ANKFY1: variants seen among roughly 807,000 people sequenced by gnomAD.
ANKFY1 encodes the protein ankyrin repeat and FYVE domain-containing protein 1.
Under a neutral mutation model 128.3 loss-of-function variants are expected in ANKFY1, and 47 were observed. That is an observed-to-expected ratio of 0.37 (90% CI 0.29 to 0.47). ANKFY1 has a LOEUF of 0.47. Among genes scored for constraint, ANKFY1 ranks in the 20% least tolerant of loss-of-function variants. The pLI is 1.00. For synonymous variants in ANKFY1, 553 were observed against 601.6 expected (o/e 0.92, Z 1.18); for missense variants, 1,222 against 1,510.6 (o/e 0.81, Z 3.17).
chr17:4,208,022 T>C lies in ANKFY1; in HGVS notation c.643A>G (p.Lys215Glu). 6.2e-7 allele frequency: 1 copy of C among 1,611,718 alleles called. No homozygotes were observed. Among genetic ancestry groups the C allele is most frequent in the Non-Finnish European group, 8.5e-7 (1 of 1,179,022 alleles). ...MSAQLLYKMI[K>E]SKTEYPLHKA... is the part of the protein sequence containing the mutation. The stretch of plus-strand genomic sequence containing the variant: ...TGTAGCGGGTACTCTGTCTTGGATT[T>C]GATCATTTTGTATAACAACTGAGCG... The change falls in exon 6 of 25, where the codon AAA becomes GAA. Residue 215 changes from lysine (K) to glutamate (E), a missense_variant. By Grantham distance (56) the Lys-to-Glu change is moderately conservative. Transcript: ENST00000341657.
Position 4,167,548 on chromosome 17 carries a change from T to C in ANKFY1, c.*231A>G. 2.4e-6 allele frequency: 1 copy of C among 418,416 alleles called. No homozygotes were observed. Among genetic ancestry groups the C allele is most frequent in the Non-Finnish European group, 4.2e-6 (1 of 238,390 alleles). 25.9% of individuals were successfully genotyped at this position (418,416 alleles called of 1,614,324 possible). ...CATTTACCACTTAGGCCCAATGGCC[T>C]GGTCTGATGAGTGAGACATCTAGTG... is the stretch of plus-strand genomic sequence containing the variant. On this transcript the variant is annotated 3_prime_UTR_variant, in exon 25 of 25. Transcript: ENST00000341657. The surrounding 1 kb of genome is among the most constrained non-coding windows in gnomAD (Gnocchi z 4.1).
At chr17:4,238,152 T>TA (rs55944256) in intron 2 of ANKFY1, among the ~76,000 whole-genome samples, 8,592 of 92,648 alleles carry the variant, frequency 0.093, 924 homozygotes, top group African/African-American at 0.27. Context: ...CTTATTTATT[T>TA]AAAAAAAAAA....
At chr17:4,206,059 A>G (rs1014022717) in intron 7 of ANKFY1, among the ~76,000 whole-genome samples, 1 of 152,246 alleles carries the variant, frequency 6.6e-6, no homozygotes, top group Non-Finnish European at 1.5e-5. Context: ...TACAAGTAAA[A>G]GGTACTTCTT....
intron 3 of ANKFY1, 24 bp downstream of exon 3, chr17:4,235,748 G>A (rs1258600266): frequency 6.4e-7 from 1 of 1,562,808 alleles, no homozygotes; most frequent in South Asian, 1.1e-5. Context: ...GCAGTTTTGT[G>A]TCCCTGATCA....
At chr17:4,184,338 C>G (rs2059572746) in intron 12 of ANKFY1, among the ~76,000 whole-genome samples, 1 of 152,164 alleles carries the variant, frequency 6.6e-6, no homozygotes. Context: ...AAACACTGTC[C>G]TTAACAAGGA....
chr17:4,259,399 A>G (rs6502777), intron 1 of ANKFY1, among the ~76,000 whole-genome samples: 53,048 of 151,956 alleles, frequency 0.35, 9,509 homozygotes, highest in Admixed American at 0.42. Context: ...TCCTGACTCA[A>G]GTCTCCTGAG....
intron 22 of ANKFY1, among the ~76,000 whole-genome samples, chr17:4,171,332 A>G (rs2059315727): frequency 6.6e-6 from 1 of 152,192 alleles, no homozygotes. Context: ...CACGCTCCAG[A>G]AAGTTCTTCC....
Position 4,206,418 on chromosome 17 carries a change from T to C in ANKFY1, c.801A>G (p.Arg267=). 6.2e-7 allele frequency: 1 copy of C among 1,614,184 alleles called. No homozygotes were observed. The highest frequency in any genetic ancestry group is 8.5e-7 in the Non-Finnish European group (1 of 1,180,024). The change falls in exon 7 of 25, where the codon CGA becomes CGG. Residue 267 remains arginine (R), a synonymous_variant. Transcript: ENST00000341657. The part of the protein sequence containing the change: ...DLALDLALSR[R]LESIATTLVS... ...CCAGCGTGGTGGCAATACTCTCCAG[T>C]CGTCGTGAGAGGGCTAGATCTAATG...
At chr17:4,260,509 T>C (rs1254846350) in intron 1 of ANKFY1, among the ~76,000 whole-genome samples, 1 of 150,956 alleles carries the variant, frequency 6.6e-6, no homozygotes, top group African/African-American at 2.4e-5. Flanking sequence ...TCCCAGCTAC[T>C]TGGGAGGCTG....
chr17:4,181,764 T>G lies in ANKFY1; in HGVS notation c.2122-392A>C, dbSNP rs1056982603. On this transcript the variant is annotated intron_variant, in intron 15 of 24. Coordinates refer to ENST00000341657, the MANE Select transcript of ANKFY1 (RefSeq NM_001330063.2). This position sits in a 1 kb window ranked among gnomAD's most constrained non-coding sequence, Gnocchi z 4.9. ...GTAAAACCTCCAGGTGCACAACGCCTTCATATCACACTGCAGGCCCTTCGG... is the reference window on the plus strand; with the variant it reads ...GTAAAACCTCCAGGTGCACAACGCCGTCATATCACACTGCAGGCCCTTCGG... 1.3e-5 allele frequency among the ~76,000 whole-genome samples: 2 copies of G among 152,224 alleles called. No homozygotes were observed. Among genetic ancestry groups the G allele is most frequent in the Non-Finnish European group, 2.9e-5 (2 of 68,042 alleles).
chr17:4,200,756 G>C (rs191424353), intron 7 of ANKFY1, among the ~76,000 whole-genome samples: 2 of 152,244 alleles, frequency 1.3e-5, no homozygotes, highest in East Asian at 1.9e-4. Context: ...AGGATGCTTC[G>C]GTTCCTAATT....
chr17:4,231,430 A>G lies in ANKFY1; in HGVS notation c.322+4342T>C, dbSNP rs558414995. On this transcript the variant is annotated intron_variant, in intron 3 of 24. Transcript: ENST00000341657. ...CTTGAGCCCAGGAGTTCAAGGCTTC[A>G]GTGAGCCGCGATAGTGTCACTGCAT... is the stretch of plus-strand genomic sequence containing the variant. 1.3e-4 allele frequency among the ~76,000 whole-genome samples: 20 copies of G among 152,194 alleles called. No homozygotes were observed. In the East Asian group the frequency reaches 3.5e-3, roughly 27 times the overall value.
intron 17 of ANKFY1, 140 bp from the exon 18 acceptor site, chr17:4,179,197 A>C (rs184323750): frequency 3.4e-6 from 3 of 880,908 alleles, no homozygotes; most frequent in African/African-American, 1.7e-5. Context: ...CAGCTTTTGA[A>C]GAGGCCAAAG....
chr17:4,176,862 C>T (rs867967665), intron 19 of ANKFY1, among the ~76,000 whole-genome samples: 4 of 152,322 alleles, frequency 2.6e-5, no homozygotes, highest in Non-Finnish European at 2.9e-5. Flanking sequence ...ATCTCCACTT[C>T]CTCGGTGCTC....
At chr17:4,223,293 G>A (rs778815438) in intron 3 of ANKFY1, 81 of 1,031,476 alleles carry the variant, frequency 7.9e-5, no homozygotes, top group Middle Eastern at 4.7e-4. Context: ...TTGTTTTTAC[G>A]GCAGTGCAAG....
At chr17:4,258,145 GA>G (rs1275760811) in intron 1 of ANKFY1, among the ~76,000 whole-genome samples, 1 of 152,190 alleles carries the variant, frequency 6.6e-6, no homozygotes, top group Admixed American at 6.5e-5. Context: ...GGTATAAAAG[GA>G]ACAGTCCTTA....
chr17:4,206,571 C>T (rs1598074411), intron 6 of ANKFY1, 85 bp from the exon 7 acceptor site: 1 of 1,263,868 alleles, frequency 7.9e-7, no homozygotes, highest in Non-Finnish European at 1.1e-6. Flanking sequence ...CCTTAAATAT[C>T]ATCTCTTATA....
chr17:4,197,643 G>C (rs2059850535), intron 7 of ANKFY1, 66 bp from the exon 8 acceptor site: 1 of 1,470,784 alleles, frequency 6.8e-7, no homozygotes, highest in East Asian at 2.3e-5. Flanking sequence ...TTCTTCAAGA[G>C]GGAGCAGAAA....
chr17:4,238,481 T>C (rs1485855529), intron 2 of ANKFY1, among the ~76,000 whole-genome samples: 1 of 151,962 alleles, frequency 6.6e-6, no homozygotes, highest in Non-Finnish European at 1.5e-5. Flanking sequence ...GTTTTTTTTT[T>C]TTCTTTTTTT....
Sources: gnomAD v4.1 joint callset for allele counts (sites outside exome capture counted in the v4.1 genomes callset) on GRCh38, gnomAD v4.1.1 for gene constraint, Gnocchi (gnomAD v3.1) non-coding constraint, MANE v1.5 for transcripts, NCBI Gene and HGNC (gene_info 2026-07-23, HGNC 2026-07-21) for gene names.